ZNF100: variants seen among roughly 807,000 people sequenced by gnomAD.
The protein encoded by ZNF100 is zinc finger protein 100.
ZNF100 carries 12 observed loss-of-function variants against 15.8 expected under a neutral mutation model. That is an observed-to-expected ratio of 0.76 (90% CI 0.49 to 1.23). The LOEUF (loss-of-function observed/expected upper bound fraction) is 1.23. ZNF100 is among the 50% of genes most tolerant of loss of function. The probability of loss-of-function intolerance (pLI) is 0.00; values close to 1 mark genes in which losing one functional copy is unlikely to be tolerated. For synonymous variants in ZNF100, 226 were observed against 214.8 expected (o/e 1.05, Z -0.45); for missense variants, 670 against 635.6 (o/e 1.05, Z -0.58).
At chr19:21,735,301 T>C (rs758053665) in intron 4 of ZNF100, among the ~76,000 whole-genome samples, 4 of 152,116 alleles carry the variant, frequency 2.6e-5, no homozygotes, top group Non-Finnish European at 5.9e-5. Context: ...GAGACCATCT[T>C]AGCTAACACG....
intron 1 of ZNF100, 44 bp from the exon 2 acceptor site, chr19:21,765,830 T>C (rs2036550421): frequency 5.1e-6 from 8 of 1,568,044 alleles, no homozygotes. Flanking sequence ...ACTAGGCACT[T>C]TAGCTGACAG....
intron 2 of ZNF100, among the ~76,000 whole-genome samples, chr19:21,755,064 G>A (rs2036369652): frequency 6.6e-6 from 1 of 152,150 alleles, no homozygotes; most frequent in South Asian, 2.1e-4. Flanking sequence ...TGTAATCCCA[G>A]CACTTTGGGA....
intron 2 of ZNF100, among the ~76,000 whole-genome samples, chr19:21,763,180 C>T (rs1276809267): frequency 6.6e-6 from 1 of 152,174 alleles, no homozygotes; most frequent in East Asian, 1.9e-4. Context: ...TATTAATAAA[C>T]TTACTTTCAC....
intron 4 of ZNF100, among the ~76,000 whole-genome samples, chr19:21,743,505 T>C (rs1166999868): frequency 6.6e-6 from 1 of 152,196 alleles, no homozygotes; most frequent in African/African-American, 2.4e-5. Context: ...AGGGGTATTA[T>C]ACTTTATAAG....
At chr19:21,759,527 C>T (rs2036446257) in intron 2 of ZNF100, among the ~76,000 whole-genome samples, 1 of 152,144 alleles carries the variant, frequency 6.6e-6, no homozygotes, top group East Asian at 1.9e-4. Flanking sequence ...AAGGCTGCAA[C>T]CACTGGGCTA....
chr19:21,733,120 GT>G (rs2035946754), intron 4 of ZNF100, among the ~76,000 whole-genome samples: 1 of 152,002 alleles, frequency 6.6e-6, no homozygotes, highest in African/African-American at 2.4e-5. Flanking sequence ...GATGCCAGAA[GT>G]ATCAAAAAAA....
intron 2 of ZNF100, among the ~76,000 whole-genome samples, chr19:21,746,490 C>A (rs1416639107): frequency 1.3e-5 from 2 of 152,140 alleles, no homozygotes; most frequent in Admixed American, 6.5e-5. Context: ...TCCACGTAAA[C>A]CCCAGCTTTC....
At position 21,744,983 on chromosome 19, in the gene ZNF100, T is replaced by C; in HGVS notation, c.181A>G (p.Arg61Gly). 1 of 1,611,426 alleles carries C rather than the reference T, an allele frequency of 6.2e-7. No homozygotes were observed. The highest frequency in any genetic ancestry group is 8.5e-7 in the Non-Finnish European group (1 of 1,179,506). Reference protein sequence around the residue: ...CLDSAQQGLYRKVMLENYRNL... With the variant: ...CLDSAQQGLYGKVMLENYRNL... ...CTGTAGTTCTCTAACATCACTTTCC[T>C]ATACAAACCCTGCTGAGCACTGTCC... Residue 61 changes from arginine to glycine, a missense_variant, in exon 3 of 5, where the codon AGG becomes GGG. Transcript: ENST00000358296.
rs771922587 is a variant in ZNF100 at position 21,727,257 on chromosome 19, T to C, written c.1055A>G (p.Lys352Arg). Reference sequence around the variant, plus strand: ...AAGGGTTGAGGACTGGTTAAAGGCTTTGCCACATTCTTCACATTTGTAGGG... The same window carrying C: ...AAGGGTTGAGGACTGGTTAAAGGCTCTGCCACATTCTTCACATTTGTAGGG... ...EKPYKCEECG[K>R]AFNQSSTLTT... The change falls in exon 5 of 5, where the codon AAA becomes AGA. Residue 352 changes from lysine to arginine, a missense_variant. By Grantham distance (26) the Lys-to-Arg change is conservative. Transcript: ENST00000358296. 1.9e-6 allele frequency: 3 copies of C among 1,613,744 alleles called. No individual in the cohort carries two copies. The highest frequency in any genetic ancestry group is 1.7e-6 in the Non-Finnish European group (2 of 1,179,928).
chr19:21,745,778 TC>T (rs1295375067), intron 2 of ZNF100, among the ~76,000 whole-genome samples: 2 of 152,298 alleles, frequency 1.3e-5, no homozygotes, highest in East Asian at 3.9e-4. Flanking sequence ...CGCCTCGGCC[TC>T]CCAAAGTGCT....
intron 2 of ZNF100, among the ~76,000 whole-genome samples, chr19:21,749,061 A>G (rs545826247): frequency 1.3e-5 from 2 of 152,276 alleles, no homozygotes; most frequent in East Asian, 3.9e-4. Flanking sequence ...TACCAACCAT[A>G]TGATGTTTAA....
chr19:21,767,300 C>A, intron 1 of ZNF100, 127 bp downstream of exon 1: 1 of 1,533,002 alleles, frequency 6.5e-7, no homozygotes, highest in Non-Finnish European at 8.9e-7. Context: ...GGGACGGAGG[C>A]CGAGCTGGGC....
At chr19:21,761,336 T>C (rs767571642) in intron 2 of ZNF100, among the ~76,000 whole-genome samples, 11 of 152,350 alleles carry the variant, frequency 7.2e-5, no homozygotes, top group South Asian at 4.1e-4. Flanking sequence ...GTTATTTATA[T>C]AAGTGCAATA....
At chr19:21,756,497 C>CAA (rs2036395234) in intron 2 of ZNF100, among the ~76,000 whole-genome samples, 2 of 151,788 alleles carry the variant, frequency 1.3e-5, no homozygotes, top group African/African-American at 4.8e-5. Flanking sequence ...TTGCCACACA[C>CAA]ACACACACAC....
intron 3 of ZNF100, 44 bp from the exon 4 acceptor site, chr19:21,744,159 A>G (rs2036170843): frequency 6.5e-7 from 1 of 1,546,716 alleles, no homozygotes; most frequent in Non-Finnish European, 8.8e-7. Flanking sequence ...ATATTCTCCA[A>G]TTACCAACCT....
intron 1 of ZNF100, among the ~76,000 whole-genome samples, chr19:21,766,614 T>C (rs1209846399): frequency 6.6e-6 from 1 of 152,216 alleles, no homozygotes; most frequent in African/African-American, 2.4e-5. Context: ...ATACATTTTA[T>C]AAATGACTTT....
intron 4 of ZNF100, among the ~76,000 whole-genome samples, chr19:21,743,515 G>T (rs4499356): frequency 1 from 152,164 of 152,306 alleles, 76,011 homozygotes; most frequent in Non-Finnish European, 1. Context: ...TACTTTATAA[G>T]TTCTAACTAT....
chr19:21,738,396 C>T (rs2036049177), intron 4 of ZNF100, among the ~76,000 whole-genome samples: 2 of 151,522 alleles, frequency 1.3e-5, no homozygotes, highest in Non-Finnish European at 2.9e-5. Flanking sequence ...AGGCATCATG[C>T]TATCCAACTT....
intron 1 of ZNF100, among the ~76,000 whole-genome samples, chr19:21,766,853 G>A (rs2036571740): frequency 6.6e-6 from 1 of 152,080 alleles, no homozygotes; most frequent in Admixed American, 6.5e-5. Context: ...AATAAGGCCG[G>A]CCCAGTGACA....
Sources: gnomAD v4.1 joint callset for allele counts (sites outside exome capture counted in the v4.1 genomes callset) on GRCh38, gnomAD v4.1.1 for gene constraint, MANE v1.5 for transcripts, NCBI Gene and HGNC (gene_info 2026-07-23, HGNC 2026-07-21) for gene names.